LPIN1: variants seen among roughly 807,000 people sequenced by gnomAD.
LPIN1 encodes the protein lipin 1, also known as phosphatidate phosphatase LPIN1.
Under a neutral mutation model 107.5 loss-of-function variants are expected in LPIN1, and 71 were observed. The observed-to-expected ratio is 0.66, with a 90% CI of 0.55 to 0.80. The LOEUF is 0.80. LPIN1 is among the 30% of genes least tolerant of loss of function. The pLI, the probability that LPIN1 is intolerant of heterozygous loss-of-function variation, is 0.00. For synonymous variants in LPIN1, 445 were observed against 452.6 expected (o/e 0.98, Z 0.21); for missense variants, 1,043 against 1,160.6 (o/e 0.90, Z 1.47).
intron 12 of LPIN1, among the ~76,000 whole-genome samples, chr2:11,790,103 T>C (rs552747781): frequency 6.6e-6 from 1 of 152,228 alleles, no homozygotes; most frequent in Admixed American, 6.5e-5. Context: ...GTTTTGGAAA[T>C]TTCGAAAGAT....
At chr2:11,809,121 C>T (rs1307674338) in intron 17 of LPIN1, among the ~76,000 whole-genome samples, 1 of 146,830 alleles carries the variant, frequency 6.8e-6, no homozygotes. Flanking sequence ...GAACCCCTTT[C>T]AGATTCAGGT....
At chr2:11,787,659 C>T (rs981337962) in intron 11 of LPIN1, among the ~76,000 whole-genome samples, 2 of 151,976 alleles carry the variant, frequency 1.3e-5, no homozygotes, top group South Asian at 2.1e-4. Context: ...ACTTCATTAT[C>T]GGCTGGGCGC....
chr2:11,743,207 G>A (rs937224231), upstream of LPIN1, among the ~76,000 whole-genome samples: 5 of 152,216 alleles, frequency 3.3e-5, no homozygotes, highest in Admixed American at 1.3e-4. This position sits in a 1 kb window ranked among gnomAD's most constrained non-coding sequence, Gnocchi z 4.7. Context: ...TGTGTGTCCA[G>A]CTGTCAGCCT....
chr2:11,746,289 T>A (rs6716999), upstream of LPIN1, among the ~76,000 whole-genome samples: 41,275 of 152,050 alleles, frequency 0.27, 10,691 homozygotes, highest in African/African-American at 0.68. Context: ...AGGCCCTGGG[T>A]GGTTTACCTG....
At chr2:11,746,958 C>A (rs1667044823) in intron 1 of LPIN1, among the ~76,000 whole-genome samples, 1 of 152,216 alleles carries the variant, frequency 6.6e-6, no homozygotes, top group Non-Finnish European at 1.5e-5. Context: ...CCCGGCTTGG[C>A]TGATCTCGAG....
chr2:11,811,979 G>A (rs566598254), intron 17 of LPIN1, among the ~76,000 whole-genome samples: 3 of 151,688 alleles, frequency 2.0e-5, no homozygotes, highest in East Asian at 3.9e-4. Flanking sequence ...GCGAGACTCC[G>A]TCTCAAAAAA....
At chr2:11,777,883 G>A (rs1380945827) in intron 6 of LPIN1, among the ~76,000 whole-genome samples, 6 of 152,240 alleles carry the variant, frequency 3.9e-5, no homozygotes, top group Non-Finnish European at 5.9e-5. Context: ...GAACAGCACC[G>A]TTGAGGGTGA....
intron 1 of LPIN1, among the ~76,000 whole-genome samples, chr2:11,750,664 C>G (rs1402816922): frequency 6.6e-6 from 1 of 152,200 alleles, no homozygotes; most frequent in African/African-American, 2.4e-5. Context: ...TGATGTCATC[C>G]CTTTTTATAA....
intron 7 of LPIN1, 126 bp from the exon 8 acceptor site, chr2:11,782,075 G>T (rs1312593216): frequency 2.7e-6 from 2 of 753,800 alleles, no homozygotes; most frequent in African/African-American, 3.5e-5. Flanking sequence ...ATCACCAGGT[G>T]ATTGTTGAGG....
intron 14 of LPIN1, 79 bp from the exon 15 acceptor site, chr2:11,802,828 A>C (rs1377168970): frequency 1.7e-5 from 26 of 1,542,106 alleles, no homozygotes; most frequent in Non-Finnish European, 2.2e-5. Context: ...TGACTTAGTC[A>C]TTGATTAAAG....
intron 1 of LPIN1, among the ~76,000 whole-genome samples, chr2:11,735,396 T>C (rs1665695517): frequency 6.6e-6 from 1 of 152,184 alleles, no homozygotes; most frequent in Non-Finnish European, 1.5e-5. Context: ...TTGTTAAGTA[T>C]TATATTAATG....
intron 20 of LPIN1, among the ~76,000 whole-genome samples, chr2:11,820,758 T>A (rs924981222): frequency 3.3e-5 from 5 of 152,240 alleles, no homozygotes; most frequent in Admixed American, 2.6e-4. Flanking sequence ...TGCTACAGAA[T>A]GGAATTGAAT....
chr2:11,801,239 C>G (rs995991817), intron 14 of LPIN1, among the ~76,000 whole-genome samples: 1 of 152,240 alleles, frequency 6.6e-6, no homozygotes, highest in Non-Finnish European at 1.5e-5. Flanking sequence ...TACAATCCAG[C>G]AATCCCACTA....
At chr2:11,692,042 G>T (rs1164077083) in intron 1 of LPIN1, among the ~76,000 whole-genome samples, 1 of 152,156 alleles carries the variant, frequency 6.6e-6, no homozygotes, top group East Asian at 1.9e-4. Context: ...GAGTTCTGGG[G>T]GCTGTCACTT....
Position 11,805,067 on chromosome 2 carries a change from T to C in LPIN1, c.2163-3T>C. 1 of 1,592,710 alleles carries C rather than the reference T, an allele frequency of 6.3e-7. No individual in the cohort carries two copies. Among genetic ancestry groups the C allele is most frequent in the Non-Finnish European group, 8.6e-7 (1 of 1,160,578 alleles). On this transcript the variant is annotated splice_region_variant and splice_polypyrimidine_tract_variant and intron_variant, in intron 16 of 20. Transcript: ENST00000674199. ...TTATTTTTCTCTTTTCCTCTTCATT[T>C]AGATCAGATACTCTTGGCCACATTT...
At position 11,815,014 on chromosome 2, in the gene LPIN1, T is replaced by C. The variant is rs111905710; in HGVS notation, c.2250-74T>C. 3,390 of 1,381,346 alleles carry C rather than the reference T, an allele frequency of 2.5e-3. 49 individuals are homozygous for C. In the African/African-American group the frequency reaches 0.036, roughly 15 times the overall value. 85.6% of individuals were successfully genotyped at this position (1,381,346 alleles called of 1,614,324 possible). A position where few individuals can be genotyped will look rare whatever the true frequency, so the allele number is the denominator to read the frequency against. ...AGTGCCATTCTCCACAGAACAGATA[T>C]GGATCAGGATTTATGAATGCAGAAA... On this transcript the variant is annotated intron_variant, in intron 17 of 20. Coordinates refer to ENST00000674199, the MANE Select transcript of LPIN1 (RefSeq NM_001349206.2).
chr2:11,780,430 G>T (rs1477290347), intron 7 of LPIN1, among the ~76,000 whole-genome samples: 2 of 152,206 alleles, frequency 1.3e-5, no homozygotes, highest in Admixed American at 6.5e-5. Context: ...ATCTGGGAGA[G>T]CCCTGGGAGA....
intron 2 of LPIN1, chr2:11,713,822 G>A (rs1188612543): frequency 1.0e-5 from 15 of 1,499,490 alleles, no homozygotes; most frequent in Admixed American, 9.9e-5. Flanking sequence ...CGTGAGTGCC[G>A]CTGTGATAGA....
intron 1 of LPIN1, among the ~76,000 whole-genome samples, chr2:11,689,647 C>T (rs1169264217): frequency 6.6e-6 from 1 of 152,216 alleles, no homozygotes; most frequent in Non-Finnish European, 1.5e-5. Context: ...GGGCTCATGC[C>T]TGTAATCCCA....
Sources: allele counts gnomAD v4.1 joint callset (sites outside exome capture counted in the v4.1 genomes callset), GRCh38; gene constraint gnomAD v4.1.1; non-coding constraint Gnocchi (gnomAD v3.1); transcripts MANE v1.5; gene names NCBI Gene and HGNC (gene_info 2026-07-23, HGNC 2026-07-21).